The following IL1RAPL1 variants were observed in gnomAD, a reference collection of about 807,000 sequenced individuals.
IL1RAPL1 encodes the protein interleukin 1 receptor accessory protein like 1.
Under a neutral mutation model 48.4 loss-of-function variants are expected in IL1RAPL1, and 3 were observed. That is an observed-to-expected ratio of 0.06 (90% CI 0.03 to 0.16). The LOEUF (loss-of-function observed/expected upper bound fraction) is 0.16. IL1RAPL1 is among the 10% of genes least tolerant of loss of function. The probability of loss-of-function intolerance (pLI) is 1.00; values close to 1 mark genes in which losing one functional copy is unlikely to be tolerated. For synonymous variants in IL1RAPL1, 185 were observed against 187.7 expected (o/e 0.99, Z 0.12); for missense variants, 349 against 530.6 (o/e 0.66, Z 3.36).
chrX:29,725,513 A>T (rs867331580), intron 6 of IL1RAPL1, among the ~76,000 whole-genome samples: 1 of 111,248 alleles, frequency 9.0e-6, no homozygotes, highest in Non-Finnish European at 1.9e-5. Flanking sequence ...TCAGTGCCCA[A>T]TATCATTCTC....
chrX:28,623,363 A>G (rs1167860713), intron 1 of IL1RAPL1, among the ~76,000 whole-genome samples: 1 of 111,533 alleles, frequency 9.0e-6, no homozygotes, highest in Non-Finnish European at 1.9e-5. Context: ...ATTGTTTTGT[A>G]CTAGCGACCA....
At chrX:29,675,052 A>G (rs971877660) in intron 6 of IL1RAPL1, among the ~76,000 whole-genome samples, 2 of 112,412 alleles carry the variant, frequency 1.8e-5, no homozygotes, top group African/African-American at 3.2e-5. Flanking sequence ...TGTCTTTATG[A>G]TAGAAGGATT....
intron 3 of IL1RAPL1, among the ~76,000 whole-genome samples, chrX:29,343,072 C>G (rs1054790060): frequency 8.9e-6 from 1 of 112,178 alleles, no homozygotes; most frequent in African/African-American, 3.2e-5. Flanking sequence ...AAACTGTCTG[C>G]AACAAGTATT....
intron 5 of IL1RAPL1, among the ~76,000 whole-genome samples, chrX:29,435,832 A>G (rs1602233953): frequency 1.8e-5 from 2 of 110,604 alleles, no homozygotes; most frequent in Admixed American, 1.9e-4. Flanking sequence ...ATTTGCAAAA[A>G]TAGTTTTTTA....
At chrX:28,836,785 A>G (rs749525741) in intron 2 of IL1RAPL1, among the ~76,000 whole-genome samples, 1 of 109,952 alleles carries the variant, frequency 9.1e-6, no homozygotes, top group South Asian at 3.9e-4. Context: ...CACCACCACC[A>G]CCACTGCTGC....
intron 2 of IL1RAPL1, among the ~76,000 whole-genome samples, chrX:29,068,938 G>A (rs892668034): frequency 1.8e-5 from 2 of 111,963 alleles, no homozygotes; most frequent in African/African-American, 6.5e-5. Context: ...CTAGGTCAGA[G>A]TAAGTCAGAG....
intron 2 of IL1RAPL1, among the ~76,000 whole-genome samples, chrX:29,131,333 C>T (rs772388993): frequency 1.8e-5 from 2 of 109,515 alleles, no homozygotes; most frequent in South Asian, 7.9e-4. Context: ...GCAGACTAAT[C>T]GAAGATCTTG....
intron 5 of IL1RAPL1, among the ~76,000 whole-genome samples, chrX:29,474,676 CTT>C (rs1934954933): frequency 9.0e-6 from 1 of 111,635 alleles, no homozygotes; most frequent in Non-Finnish European, 1.9e-5. Flanking sequence ...GTCCCAGACT[CTT>C]TTAAACAACC....
intron 6 of IL1RAPL1, among the ~76,000 whole-genome samples, chrX:29,873,475 G>A: frequency 9.2e-6 from 1 of 109,214 alleles, no homozygotes. Context: ...CTCATGAATG[G>A]GATTGATGCC....
At chrX:29,391,098 C>T (rs964082028) in intron 3 of IL1RAPL1, among the ~76,000 whole-genome samples, 3 of 109,401 alleles carry the variant, frequency 2.7e-5, no homozygotes, top group South Asian at 4.0e-4. Flanking sequence ...CGCTTGAACC[C>T]GGGAGGTGGA....
intron 2 of IL1RAPL1, among the ~76,000 whole-genome samples, chrX:28,900,666 C>G (rs1923051160): frequency 8.9e-6 from 1 of 111,860 alleles, no homozygotes; most frequent in African/African-American, 3.2e-5. Context: ...GAATTCTAGC[C>G]TCTGCACACT....
At chrX:28,957,611 C>G (rs1300562462) in intron 2 of IL1RAPL1, among the ~76,000 whole-genome samples, 2 of 110,603 alleles carry the variant, frequency 1.8e-5, no homozygotes, top group African/African-American at 6.6e-5. Context: ...TCGTATATCA[C>G]TGATTTTGAG....
intron 2 of IL1RAPL1, among the ~76,000 whole-genome samples, chrX:28,914,266 ACT>A (rs1923431890): frequency 9.0e-6 from 1 of 110,816 alleles, no homozygotes; most frequent in Non-Finnish European, 1.9e-5. Context: ...GGAAATATGG[ACT>A]CTATACTTAG....
At chrX:29,119,198 C>A (rs1458545006) in intron 2 of IL1RAPL1, among the ~76,000 whole-genome samples, 1 of 109,993 alleles carries the variant, frequency 9.1e-6, no homozygotes, top group African/African-American at 3.3e-5. Flanking sequence ...TAAAATGTAC[C>A]CTTAAACATG....
chrX:28,861,621 C>T (rs1193536164), intron 2 of IL1RAPL1, among the ~76,000 whole-genome samples: 1 of 111,123 alleles, frequency 9.0e-6, no homozygotes, highest in Non-Finnish European at 1.9e-5. Context: ...ATAGAAAAAA[C>T]CTAGAAGCAC....
chrX:29,551,943 C>T (rs1253037296), intron 5 of IL1RAPL1, among the ~76,000 whole-genome samples: 1 of 111,455 alleles, frequency 9.0e-6, no homozygotes, highest in Non-Finnish European at 1.9e-5. Flanking sequence ...ACACATATTG[C>T]AGGAAGAAAG....
chrX:29,205,369 T>C (rs1692683864), intron 2 of IL1RAPL1, among the ~76,000 whole-genome samples: 1 of 112,303 alleles, frequency 8.9e-6, no homozygotes, highest in Non-Finnish European at 1.9e-5. Flanking sequence ...GGCCATAATA[T>C]TTGATTTTAT....
intron 2 of IL1RAPL1, among the ~76,000 whole-genome samples, chrX:28,961,009 CAA>C (rs397947609): frequency 1.1e-4 from 2 of 17,490 alleles, no homozygotes; most frequent in African/African-American, 4.2e-4. Flanking sequence ...GACTCCGTCT[CAA>C]AAAAAAAAAA....
At chrX:29,358,254 A>G (rs777484476) in intron 3 of IL1RAPL1, among the ~76,000 whole-genome samples, 3 of 110,947 alleles carry the variant, frequency 2.7e-5, no homozygotes, top group East Asian at 5.7e-4. Context: ...CAGCCTTCCA[A>G]TCTCCTTTGG....
Sources: allele counts gnomAD v4.1 joint callset (sites outside exome capture counted in the v4.1 genomes callset), GRCh38; gene constraint gnomAD v4.1.1; transcripts MANE v1.5; gene names NCBI Gene and HGNC (gene_info 2026-07-23, HGNC 2026-07-21).